SKP1: variants seen among roughly 807,000 people sequenced by gnomAD.
SKP1 encodes the protein S-phase kinase associated protein 1, also known as S-phase kinase-associated protein 1.
A neutral mutation model predicts 21.5 loss-of-function variants in SKP1; 1 was observed. The ratio of observed to expected loss-of-function variants is 0.05; its 90% CI spans 0.02 to 0.22. SKP1 has a LOEUF of 0.22. Among genes scored for constraint, SKP1 ranks in the 10% least tolerant of loss-of-function variants. SKP1 has a pLI of 1.00. For synonymous variants in SKP1, 59 were observed against 59.3 expected (o/e 0.99, Z 0.03); for missense variants, 70 against 192.0 (o/e 0.36, Z 3.76).
rs1761032654 is a variant in SKP1, at chr5:134,150,882, A to G, written c.*6851T>C. 6.6e-6 allele frequency: 1 copy of G among 152,254 alleles called. No homozygotes were observed. Among genetic ancestry groups the G allele is most frequent in the African/African-American group, 2.4e-5 (1 of 41,466 alleles). The allele number at this position is 152,254 out of a possible 1,614,324, so 9.4% of individuals were successfully genotyped here. On this transcript the variant is annotated 3_prime_UTR_variant, in exon 6 of 6. Transcript: ENST00000353411. Reference sequence around the variant, plus strand: ...ACTCAAAACGGCACCGAGTTTGAAAACAGGAAACATAGATGGTGGGGATGT... The same window carrying G: ...ACTCAAAACGGCACCGAGTTTGAAAGCAGGAAACATAGATGGTGGGGATGT...
chr5:134,172,638 T>C (rs1195964482), intron 2 of SKP1, among the ~76,000 whole-genome samples: 1 of 151,236 alleles, frequency 6.6e-6, no homozygotes, highest in Non-Finnish European at 1.5e-5. Flanking sequence ...TTCCCAGTAC[T>C]TTGGGGTGCC....
chr5:134,175,500 T>G (rs1347944313), intron 1 of SKP1: 6 of 152,226 alleles, frequency 3.9e-5, no homozygotes, highest in Non-Finnish European at 7.3e-5. Flanking sequence ...TTATAAAACA[T>G]TTAAACATGT....
At chr5:134,163,201 T>C (rs1486349599) in intron 3 of SKP1, among the ~76,000 whole-genome samples, 3 of 105,782 alleles carry the variant, frequency 2.8e-5, no homozygotes, top group African/African-American at 1.4e-4. Context: ...AGCAAGAGAG[T>C]GCGATTCTGT....
At chr5:134,170,798 T>TTA (rs930504064) in intron 2 of SKP1, among the ~76,000 whole-genome samples, 10 of 152,230 alleles carry the variant, frequency 6.6e-5, no homozygotes, top group African/African-American at 2.4e-4. Flanking sequence ...CCCTATGTTC[T>TTA]TAAAATTGGC....
chr5:134,173,527 C>T, intron 2 of SKP1: 2 of 350,814 alleles, frequency 5.7e-6, no homozygotes, highest in Non-Finnish European at 1.1e-5. Context: ...CACAGCAATC[C>T]ACAGAGCTCA....
chr5:134,157,878 G>A lies in SKP1; in HGVS notation c.457-110C>T. On this transcript the variant is annotated intron_variant, in intron 5 of 5. Transcript: ENST00000353411. ...GCCAGTGAGTTGAGTCAGAAGAACAGATGGAAAATTAGAACAACACCAGGT... is the reference window on the plus strand; with the variant it reads ...GCCAGTGAGTTGAGTCAGAAGAACAAATGGAAAATTAGAACAACACCAGGT... The A allele has an allele frequency of 1.9e-6, 3 of 1,603,986 alleles. No individual in the cohort carries two copies. The East Asian group carries it at 6.7e-5, about 36-fold the overall frequency.
chr5:134,173,162 G>A (rs1484963432), intron 2 of SKP1, among the ~76,000 whole-genome samples: 1 of 151,384 alleles, frequency 6.6e-6, no homozygotes, highest in Non-Finnish European at 1.5e-5. Flanking sequence ...GAGAAACCCC[G>A]TCTCTAACAA....
At position 134,156,628 on chromosome 5, in the gene SKP1, AACTT is replaced by A. The variant is rs1331758931; in HGVS notation, c.*1101_*1104del. Reference sequence around the variant, plus strand: ...GTGAGCCATCTCAAGCCATCAAAAAAACTTCATTCTATTGTAGGAGGGAAGCTGG... The same window carrying A: ...GTGAGCCATCTCAAGCCATCAAAAAACATTCTATTGTAGGAGGGAAGCTGG... On this transcript the variant is annotated 3_prime_UTR_variant, in exon 6 of 6. Transcript: ENST00000353411. The A allele has an allele frequency of 2.6e-5, 4 of 152,254 alleles. No homozygotes were observed. The highest frequency in any genetic ancestry group is 7.2e-5 in the African/African-American group (3 of 41,470). 9.4% of individuals were successfully genotyped at this position (152,254 alleles called of 1,614,324 possible). A position where few individuals can be genotyped will look rare whatever the true frequency, so the allele number is the denominator to read the frequency against.
chr5:134,170,439 C>G (rs141589585), intron 2 of SKP1, among the ~76,000 whole-genome samples: 16 of 152,346 alleles, frequency 1.1e-4, no homozygotes, highest in African/African-American at 3.8e-4. Flanking sequence ...TATCCTGATA[C>G]TGTACCCTGG....
intron 3 of SKP1, among the ~76,000 whole-genome samples, chr5:134,166,580 CAAAAAAAA>C (rs36106913): frequency 1.9e-4 from 10 of 52,528 alleles, no homozygotes; most frequent in South Asian, 1.1e-3. Context: ...ACTCTGGTCT[CAAAAAAAA>C]AAAAAAAAAA....
intron 3 of SKP1, among the ~76,000 whole-genome samples, chr5:134,165,318 C>T (rs1196408874): frequency 2.0e-5 from 3 of 152,060 alleles, no homozygotes. Context: ...TGTAAATGGC[C>T]AGTAACACAT....
At chr5:134,159,842 C>T (rs929994815) in intron 4 of SKP1, among the ~76,000 whole-genome samples, 13 of 151,794 alleles carry the variant, frequency 8.6e-5, no homozygotes, top group African/African-American at 2.4e-4. Context: ...CCACCGCGCC[C>T]GGCCTAATTT....
chr5:134,161,043 C>A lies in SKP1; in HGVS notation c.259G>T (p.Val87Phe). 1 of 1,613,136 alleles carries A rather than the reference C, an allele frequency of 6.2e-7. No individual in the cohort carries two copies. Among genetic ancestry groups the A allele is most frequent in the Non-Finnish European group, 8.5e-7 (1 of 1,179,566 alleles). Residue 87 changes from valine (V) to phenylalanine (F), a missense_variant, in exon 4 of 6, where the codon GTT (valine) becomes TTT (phenylalanine). Physicochemically the swap from Val to Phe is conservative, Grantham distance 50. Transcript: ENST00000353411. ...ACTTTCAGGAATTCTTGGTCCCAAA[C>A]AGGGATATCATCTGTTCGCTTTTCT... ...NKEKRTDDIP[V>F]WDQEFLKVDQ...
chr5:134,174,085 A>T, intron 1 of SKP1, 63 bp from the exon 2 acceptor site: 1 of 994,742 alleles, frequency 1.0e-6, no homozygotes. Context: ...CATTTCATCA[A>T]CTACAGTCCA....
rs190796413 is a variant in SKP1 at position 134,169,192 on chromosome 5, A to G, written c.98-1949T>C. On this transcript the variant is annotated intron_variant, in intron 2 of 5. Coordinates refer to ENST00000353411, the MANE Select transcript of SKP1 (RefSeq NM_170679.3). ...GAAAACAGACAATGCACTTGATGAC[A>G]TGGGGTTCACTGAGCTTTATAAGCA... Among the ~76,000 whole-genome samples the G allele has an allele frequency of 2.4e-4, 37 of 152,328 alleles. No homozygotes were observed. In the East Asian group the frequency reaches 6.9e-3, roughly 29 times the overall value.
At chr5:134,159,827 G>A (rs1018872579) in intron 4 of SKP1, among the ~76,000 whole-genome samples, 12 of 152,024 alleles carry the variant, frequency 7.9e-5, no homozygotes, top group East Asian at 2.0e-4. Context: ...GATTATAGGC[G>A]TGAGCCACCG....
At chr5:134,168,685 T>C (rs1277149783) in intron 2 of SKP1, among the ~76,000 whole-genome samples, 2 of 152,026 alleles carry the variant, frequency 1.3e-5, no homozygotes, top group African/African-American at 4.8e-5. Flanking sequence ...TCTGTCTGCA[T>C]TTTGAAGGTA....
chr5:134,162,559 C>T (rs1319177899), intron 3 of SKP1, among the ~76,000 whole-genome samples: 1 of 152,136 alleles, frequency 6.6e-6, no homozygotes. Context: ...GTGCCTGCCA[C>T]AACACCCAGC....
At chr5:134,169,503 G>A (rs1454151406) in intron 2 of SKP1, among the ~76,000 whole-genome samples, 1 of 152,196 alleles carries the variant, frequency 6.6e-6, no homozygotes, top group East Asian at 1.9e-4. Flanking sequence ...GATATTAGAG[G>A]AAACATACAG....
Sources: allele counts gnomAD v4.1 joint callset (sites outside exome capture counted in the v4.1 genomes callset), GRCh38; gene constraint gnomAD v4.1.1; transcripts MANE v1.5; gene names NCBI Gene and HGNC (gene_info 2026-07-23, HGNC 2026-07-21).